OPCML: variants seen among roughly 807,000 people sequenced by gnomAD.
The protein encoded by OPCML is opioid binding protein/cell adhesion molecule like, also known as opioid-binding protein/cell adhesion molecule.
A neutral mutation model predicts 37.8 loss-of-function variants in OPCML; 13 were observed. That is an observed-to-expected ratio of 0.34 (90% CI 0.22 to 0.55). The LOEUF is 0.55. Among genes scored for constraint, OPCML ranks in the 20% least tolerant of loss-of-function variants. OPCML has a pLI of 0.91. For missense variants in OPCML, 341 were observed against 435.6 expected (o/e 0.78, Z 1.93); for synonymous variants, 176 against 168.8 (o/e 1.04, Z -0.33).
At chr11:132,960,629 T>A (rs1242461679) in intron 1 of OPCML, among the ~76,000 whole-genome samples, 1 of 152,222 alleles carries the variant, frequency 6.6e-6, no homozygotes, top group East Asian at 1.9e-4. Context: ...TCTCTCCCTC[T>A]GTCTCTTCTC....
chr11:132,983,127 T>C (rs1011466410), intron 1 of OPCML, among the ~76,000 whole-genome samples: 13 of 152,146 alleles, frequency 8.5e-5, no homozygotes, highest in African/African-American at 3.1e-4. Flanking sequence ...ACAGCCCCCC[T>C]CCAGCTTGCA....
At chr11:132,886,744 C>T (rs1024570866) in intron 2 of OPCML, among the ~76,000 whole-genome samples, 5 of 152,128 alleles carry the variant, frequency 3.3e-5, no homozygotes, top group Admixed American at 1.3e-4. Flanking sequence ...GGTAGAAGAC[C>T]GAAGAGTGTA....
intron 3 of OPCML, among the ~76,000 whole-genome samples, chr11:132,566,030 C>T (rs1021228962): frequency 2.0e-5 from 3 of 152,150 alleles, no homozygotes; most frequent in African/African-American, 7.2e-5. Context: ...GAGACTCCGT[C>T]TCAAAAACAG....
chr11:133,069,839 T>C lies in OPCML; in HGVS notation c.62-126829A>G, dbSNP rs560336737. Among the ~76,000 whole-genome samples, 188 of 152,270 alleles carry C rather than the reference T, an allele frequency of 1.2e-3. 1 individual carries two copies. Among genetic ancestry groups the C allele is most frequent in the African/African-American group, 4.4e-3 (184 of 41,578 alleles). On this transcript the variant is annotated intron_variant, in intron 1 of 7. Transcript: ENST00000524381. ...TTGCTTTTTCATTGCCGAGCCTAAT[T>C]TGAGGCCAGCTCAGAGGAGGAGGGG...
chr11:132,716,794 C>T (rs1012783002), intron 2 of OPCML, among the ~76,000 whole-genome samples: 6 of 152,136 alleles, frequency 3.9e-5, no homozygotes, highest in Admixed American at 3.9e-4. Context: ...GTACCTCGTA[C>T]AGGCTTGGCA....
At chr11:133,183,782 C>T (rs1937948171) in intron 1 of OPCML, among the ~76,000 whole-genome samples, 1 of 152,138 alleles carries the variant, frequency 6.6e-6, no homozygotes, top group Non-Finnish European at 1.5e-5. Flanking sequence ...TGGTTTAGTG[C>T]CAACATGAAC....
At position 132,459,694 on chromosome 11, in the gene OPCML, C is replaced by A. The variant is rs148900946; in HGVS notation, c.506-22335G>T. On this transcript the variant is annotated intron_variant, in intron 4 of 7. Transcript: ENST00000524381. Reference sequence around the variant, plus strand: ...TTATGTAGAGGATCTTTATTCACTGCGATATGCATATCTTCCAAATGTTGA... The same window carrying A: ...TTATGTAGAGGATCTTTATTCACTGAGATATGCATATCTTCCAAATGTTGA... Among the ~76,000 whole-genome samples, 26 of 151,496 alleles carry A rather than the reference C, an allele frequency of 1.7e-4. No individual in the cohort carries two copies. In the East Asian group the frequency reaches 5.1e-3, roughly 30 times the overall value.
chr11:133,076,791 G>A (rs900940795), intron 1 of OPCML, among the ~76,000 whole-genome samples: 1 of 152,098 alleles, frequency 6.6e-6, no homozygotes, highest in Non-Finnish European at 1.5e-5. Flanking sequence ...GCTGGTGATG[G>A]AGCAGCGTGA....
At chr11:133,138,170 A>G (rs919758212) in intron 1 of OPCML, among the ~76,000 whole-genome samples, 2 of 152,020 alleles carry the variant, frequency 1.3e-5, no homozygotes, top group Non-Finnish European at 2.9e-5. Flanking sequence ...GTTCCTCCCC[A>G]TGTTTGGTCT....
At chr11:132,946,711 G>A (rs149106482) in intron 1 of OPCML, among the ~76,000 whole-genome samples, 118 of 152,292 alleles carry the variant, frequency 7.7e-4, no homozygotes, top group African/African-American at 2.5e-3. Flanking sequence ...ATAAGCTCCC[G>A]AGGTACAAGG....
chr11:132,557,514 G>A (rs1167073944), intron 3 of OPCML, among the ~76,000 whole-genome samples: 5 of 152,132 alleles, frequency 3.3e-5, no homozygotes, highest in African/African-American at 4.8e-5. Flanking sequence ...TCTTTAGTGG[G>A]CTGTCCAATG....
chr11:133,367,209 C>G (rs1314552000), intron 1 of OPCML, among the ~76,000 whole-genome samples: 1 of 152,154 alleles, frequency 6.6e-6, no homozygotes, highest in African/African-American at 2.4e-5. Flanking sequence ...CATCTCCTGA[C>G]CTCATGATCC....
intron 4 of OPCML, among the ~76,000 whole-genome samples, chr11:132,455,960 A>T (rs1389854266): frequency 6.6e-6 from 1 of 152,216 alleles, no homozygotes; most frequent in Non-Finnish European, 1.5e-5. Flanking sequence ...CTCTGCCAAT[A>T]AAATCCTCTA....
chr11:132,441,686 A>G (rs2096036114), intron 4 of OPCML, among the ~76,000 whole-genome samples: 1 of 152,212 alleles, frequency 6.6e-6, no homozygotes, highest in African/African-American at 2.4e-5. Flanking sequence ...GAAATATGTA[A>G]AAACTGAGGC....
chr11:132,803,414 C>T (rs1044414571), intron 2 of OPCML, among the ~76,000 whole-genome samples: 11 of 152,164 alleles, frequency 7.2e-5, no homozygotes, highest in African/African-American at 1.2e-4. Flanking sequence ...AAAAAGAATA[C>T]AGTGGGTAAG....
At chr11:132,912,840 G>A (rs1043512133) in intron 2 of OPCML, among the ~76,000 whole-genome samples, 2 of 152,152 alleles carry the variant, frequency 1.3e-5, no homozygotes, top group African/African-American at 4.8e-5. Flanking sequence ...GTGGCTTCCC[G>A]TAGGATAAAA....
At chr11:133,121,592 C>A (rs1450955885) in intron 1 of OPCML, among the ~76,000 whole-genome samples, 1 of 152,184 alleles carries the variant, frequency 6.6e-6, no homozygotes, top group African/African-American at 2.4e-5. Flanking sequence ...ACTGCTACAT[C>A]TGTTTATTAC....
At chr11:132,533,478 T>A (rs1230661946) in intron 3 of OPCML, among the ~76,000 whole-genome samples, 1 of 152,160 alleles carries the variant, frequency 6.6e-6, no homozygotes, top group African/African-American at 2.4e-5. Flanking sequence ...GACAAATAGA[T>A]GACCAATAGA....
At chr11:132,874,593 C>T (rs1317271802) in intron 2 of OPCML, among the ~76,000 whole-genome samples, 1 of 152,168 alleles carries the variant, frequency 6.6e-6, no homozygotes, top group Non-Finnish European at 1.5e-5. Flanking sequence ...TAGTCTCTCC[C>T]TGCTGTTGCC....
Sources: allele counts gnomAD v4.1 joint callset (sites outside exome capture counted in the v4.1 genomes callset), GRCh38; gene constraint gnomAD v4.1.1; transcripts MANE v1.5; gene names NCBI Gene and HGNC (gene_info 2026-07-23, HGNC 2026-07-21).